Variants in PKD1L1 observed in about 807,000 individuals in gnomAD.
PKD1L1 encodes the protein polycystin-1-like protein 1.
A neutral mutation model predicts 323.4 loss-of-function variants in PKD1L1; 236 were observed. That is an observed-to-expected ratio of 0.73 (90% confidence interval 0.66 to 0.81). The LOEUF is 0.81. Ranked by LOEUF, PKD1L1 falls within the 40% of genes least tolerant of loss-of-function variation. The probability of loss-of-function intolerance (pLI) is 0.00; values close to 1 mark genes in which losing one functional copy is unlikely to be tolerated. For missense variants in PKD1L1, 3,320 were observed against 3,508.0 expected (o/e 0.95, Z 1.35); for synonymous variants, 1,344 against 1,335.0 (o/e 1.01, Z -0.15).
intron 1 of PKD1L1, among the ~76,000 whole-genome samples, chr7:47,945,718 G>T (rs113852606): frequency 1.3e-5 from 2 of 152,074 alleles, no homozygotes; most frequent in Non-Finnish European, 2.9e-5. Context: ...CACCACGTGC[G>T]CCCCACAGTC....
intron 8 of PKD1L1, among the ~76,000 whole-genome samples, chr7:47,910,232 T>C (rs932134420): frequency 6.6e-6 from 1 of 152,176 alleles, no homozygotes; most frequent in Non-Finnish European, 1.5e-5. Context: ...CGACCACAAG[T>C]TAGAAAAGGC....
chr7:47,886,015 C>T lies in PKD1L1; in HGVS notation c.2876G>A (p.Gly959Glu). 1 of 1,614,070 alleles carries T rather than the reference C, an allele frequency of 6.2e-7. No homozygotes were observed. The highest frequency in any genetic ancestry group is 8.5e-7 in the Non-Finnish European group (1 of 1,179,980). ...CRVVGLLGSL[G>E]LGAISESSQL... is the part of the protein sequence containing the mutation. ...TGATGACTCTGAAATGGCACCGAGT[C>T]CCAGCGAGCCAAGCAGCCCCACTAC... is the stretch of plus-strand genomic sequence containing the variant. The change falls in exon 18 of 57, where the codon GGA (glycine) becomes GAA (glutamate). Residue 959 changes from glycine to glutamate, a missense_variant. By Grantham distance (98) the Gly-to-Glu change is moderately conservative. Coordinates refer to ENST00000289672, the MANE Select transcript of PKD1L1 (RefSeq NM_138295.5).
chr7:47,869,937 T>C (rs920020107), intron 24 of PKD1L1, among the ~76,000 whole-genome samples: 1 of 152,082 alleles, frequency 6.6e-6, no homozygotes, highest in Non-Finnish European at 1.5e-5. Flanking sequence ...ACAAAAGATA[T>C]TTGGAAAATT....
In PKD1L1 at chr7:47,845,025, A is replaced by G; in HGVS notation, c.5207T>C (p.Phe1736Ser). Reference protein sequence around the residue: ...ALLRRKLKASFEVSDISKLQS... With the variant: ...ALLRRKLKASSEVSDISKLQS... ...TAGCTTGGAAATGTCACTCACTTCA[A>G]AACTGGCCTTCAGCTTTCTCCTTAG... Residue 1736 changes from phenylalanine (F) to serine (S), a missense_variant, in exon 33 of 57, where the codon TTT becomes TCT. Coordinates refer to ENST00000289672, the MANE Select transcript of PKD1L1 (RefSeq NM_138295.5). 6.2e-7 allele frequency: 1 copy of G among 1,614,038 alleles called. No homozygotes were observed. Among genetic ancestry groups the G allele is most frequent in the South Asian group, 1.1e-5 (1 of 91,034 alleles).
chr7:47,893,350 G>C (rs1251017559), intron 15 of PKD1L1, among the ~76,000 whole-genome samples: 2 of 152,230 alleles, frequency 1.3e-5, no homozygotes, highest in East Asian at 3.9e-4. Context: ...GTCCAGAGGG[G>C]GCGCTGTAGG....
intron 23 of PKD1L1, among the ~76,000 whole-genome samples, chr7:47,875,529 T>C (rs1786385548): frequency 6.6e-6 from 1 of 152,230 alleles, no homozygotes; most frequent in African/African-American, 2.4e-5. Flanking sequence ...GGTTTGCACA[T>C]GTCAAGATAC....
At position 47,885,856 on chromosome 7, in the gene PKD1L1, G is replaced by A; in HGVS notation, c.3035C>T (p.Pro1012Leu). 1 of 1,614,226 alleles carries A rather than the reference G, an allele frequency of 6.2e-7. No individual in the cohort carries two copies. The highest frequency in any genetic ancestry group is 8.5e-7 in the Non-Finnish European group (1 of 1,180,036). ...TSAPRGTPTE[P>L]MTGVYWIPPA... is the part of the protein sequence containing the mutation. ...AGGAATCCAGTAGACTCCAGTCATG[G>A]GCTCTGTGGGGGTTCCCCTTGGAGC... The change falls in exon 18 of 57, where the codon CCC becomes CTC. Residue 1012 changes from proline (P) to leucine (L), a missense_variant. Transcript: ENST00000289672.
intron 56 of PKD1L1, among the ~76,000 whole-genome samples, chr7:47,780,569 T>C (rs967136930): frequency 2.0e-5 from 3 of 151,662 alleles, no homozygotes; most frequent in African/African-American, 4.8e-5. Flanking sequence ...GAGGTGGAGG[T>C]TGTAGTGAGC....
chr7:47,905,019 T>C, intron 11 of PKD1L1, 138 bp downstream of exon 11: 1 of 932,968 alleles, frequency 1.1e-6, no homozygotes, highest in Non-Finnish European at 1.6e-6. Context: ...TGAGTTTGCT[T>C]CACAGAAGGA....
Position 47,834,399 on chromosome 7 carries a change from A to C in PKD1L1, c.6128-14T>G. On this transcript the variant is annotated splice_polypyrimidine_tract_variant and intron_variant, in intron 39 of 56. Coordinates refer to ENST00000289672, the MANE Select transcript of PKD1L1 (RefSeq NM_138295.5). ...AGGAATTAGGACCTGATTCAAAAAAATAAAAATCCAATGTACGATGCTTTG... is the reference window on the plus strand; with the variant it reads ...AGGAATTAGGACCTGATTCAAAAAACTAAAAATCCAATGTACGATGCTTTG... 6.2e-7 allele frequency: 1 copy of C among 1,612,278 alleles called. No individual in the cohort carries two copies. The highest frequency in any genetic ancestry group is 8.5e-7 in the Non-Finnish European group (1 of 1,178,392).
chr7:47,859,373 A>C (rs1785975554), intron 26 of PKD1L1, among the ~76,000 whole-genome samples: 1 of 152,124 alleles, frequency 6.6e-6, no homozygotes. Context: ...CTTTTTCTTG[A>C]TGCCCTCCAG....
At chr7:47,813,783 C>T in intron 48 of PKD1L1, 148 bp downstream of exon 48, 3 of 694,842 alleles carry the variant, frequency 4.3e-6, no homozygotes, top group Non-Finnish European at 7.4e-6. Flanking sequence ...GCGAGGCTCG[C>T]CCTCTCCCCA....
At chr7:47,836,556 G>T (rs1204281599) in intron 37 of PKD1L1, among the ~76,000 whole-genome samples, 1 of 152,186 alleles carries the variant, frequency 6.6e-6, no homozygotes, top group Non-Finnish European at 1.5e-5. Context: ...ATGGTTCTAC[G>T]TTCTTTTGTC....
chr7:47,783,375 T>G (rs1786739698), intron 56 of PKD1L1, among the ~76,000 whole-genome samples: 1 of 152,120 alleles, frequency 6.6e-6, no homozygotes, highest in African/African-American at 2.4e-5. Flanking sequence ...TTTTTGAGTA[T>G]TTTGTTTTAG....
chr7:47,945,082 G>A (rs1788068201), intron 1 of PKD1L1, among the ~76,000 whole-genome samples: 1 of 152,164 alleles, frequency 6.6e-6, no homozygotes, highest in Non-Finnish European at 1.5e-5. Context: ...TTGCCTCTCT[G>A]TGTCAGTCTC....
Position 47,926,742 on chromosome 7 carries a change from C to G in PKD1L1, c.1060+2462G>C, listed in dbSNP as rs1787662550. Among the ~76,000 whole-genome samples, 2 of 152,088 alleles carry G rather than the reference C, an allele frequency of 1.3e-5. 1 individual carries two copies. The highest frequency in any genetic ancestry group is 1.3e-4 in the Admixed American group (2 of 15,270). On this transcript the variant is annotated intron_variant, in intron 7 of 56. Coordinates refer to ENST00000289672, the MANE Select transcript of PKD1L1 (RefSeq NM_138295.5). ...GGGAAGCCAGCAAATCACCTGAGGG[C>G]AGAGAGGAAACCAGCATTGGTAGAG... is the stretch of plus-strand genomic sequence containing the variant.
At chr7:47,853,646 G>A (rs1785831068) in intron 30 of PKD1L1, among the ~76,000 whole-genome samples, 1 of 151,918 alleles carries the variant, frequency 6.6e-6, no homozygotes, top group East Asian at 1.9e-4. Flanking sequence ...GGGAGGCTGA[G>A]GCAGGAGAAT....
At chr7:47,949,387 A>AAAAAAAAAAAAAAAAAC, upstream of PKD1L1, among the ~76,000 whole-genome samples, 1 of 143,194 alleles carries the variant, frequency 7.0e-6, no homozygotes, top group Admixed American at 7.0e-5. Context: ...AAAAAAAAAA[A>AAAAAAAAAAAAAAAAAC]AAAAGCTGTA....
In PKD1L1 at chr7:47,800,895, C is replaced by A. The variant is rs767638584; in HGVS notation, c.7963-16G>T. The A allele has an allele frequency of 6.2e-7, 1 of 1,605,176 alleles. No individual in the cohort carries two copies. Among genetic ancestry groups the A allele is most frequent in the East Asian group, 2.2e-5 (1 of 44,850 alleles). On this transcript the variant is annotated splice_polypyrimidine_tract_variant and intron_variant, in intron 53 of 56. Transcript: ENST00000289672. Reference sequence around the variant, plus strand: ...CCCCCACCAGCTGCAGAAAGAAAATCCAGAGAGCACTGACCTTGTCACCTC... The same window carrying A: ...CCCCCACCAGCTGCAGAAAGAAAATACAGAGAGCACTGACCTTGTCACCTC...
Sources: gnomAD v4.1 joint callset for allele counts (sites outside exome capture counted in the v4.1 genomes callset) on GRCh38, gnomAD v4.1.1 for gene constraint, MANE v1.5 for transcripts, NCBI Gene and HGNC (gene_info 2026-07-23, HGNC 2026-07-21) for gene names.